ATXN1: variants seen among roughly 807,000 people sequenced by gnomAD.
ATXN1 encodes the protein ataxin-1.
In ATXN1, 8 loss-of-function variants were observed where a neutral mutation model predicts 56.4. The observed-to-expected ratio is 0.14, with a 90% confidence interval of 0.08 to 0.26. The LOEUF is 0.26. Ranked by LOEUF, ATXN1 falls within the 10% of genes least tolerant of loss-of-function variation. The pLI, the probability that ATXN1 is intolerant of heterozygous loss-of-function variation, is 1.00. For missense variants in ATXN1, 987 were observed against 1,106.5 expected (o/e 0.89, Z 1.53); for synonymous variants, 514 against 494.6 (o/e 1.04, Z -0.52).
In ATXN1 at chr6:16,305,848, A is replaced by AC. The variant is rs1057135272; in HGVS notation, c.*480dup. ...GAACCCCAGGAGGACACTGCTCTGA[A>AC]CCCCCCCGGCCCATGCCGATAGCAA... On this transcript the variant is annotated 3_prime_UTR_variant, in exon 8 of 8. Coordinates refer to ENST00000436367, the MANE Select transcript of ATXN1 (RefSeq NM_001128164.2). 1.6e-4 allele frequency: 24 copies of AC among 153,138 alleles called. No homozygotes were observed. The highest frequency in any genetic ancestry group is 4.8e-4 in the African/African-American group (20 of 41,332). The allele number at this position is 153,138 out of a possible 1,614,324, so 9.5% of individuals were successfully genotyped here.
At chr6:16,309,961 G>A (rs1029607481) in intron 7 of ATXN1, among the ~76,000 whole-genome samples, 2 of 152,056 alleles carry the variant, frequency 1.3e-5, no homozygotes, top group African/African-American at 2.4e-5. Flanking sequence ...TTGAACCCGG[G>A]AGGCGGAGGT....
chr6:16,520,320 G>A (rs1330548218), intron 5 of ATXN1, among the ~76,000 whole-genome samples: 1 of 152,164 alleles, frequency 6.6e-6, no homozygotes. Flanking sequence ...GCTTCTATCT[G>A]TGTTTAGTTT....
rs1226749205 is a variant in ATXN1, at chr6:16,517,938, TC to T, written c.-299+4688del. ...GTGTGAGCAGAGGCATCAAACAACA[TC>T]TATGTGTTTATTCATTCAACAAATA... On this transcript the variant is annotated intron_variant, in intron 5 of 7. Coordinates refer to ENST00000436367, the MANE Select transcript of ATXN1 (RefSeq NM_001128164.2). 2.6e-5 allele frequency among the ~76,000 whole-genome samples: 4 copies of T among 152,320 alleles called. No homozygotes were observed. In the East Asian group the frequency reaches 7.7e-4, roughly 29 times the overall value.
chr6:16,728,315 A>T (rs1405344285), intron 2 of ATXN1, among the ~76,000 whole-genome samples: 1 of 152,210 alleles, frequency 6.6e-6, no homozygotes, highest in African/African-American at 2.4e-5. Context: ...GCAGCTGGGG[A>T]AAACTTTCCG....
At chr6:16,597,244 C>A (rs557177682) in intron 3 of ATXN1, among the ~76,000 whole-genome samples, 116 of 152,334 alleles carry the variant, frequency 7.6e-4, no homozygotes, top group Non-Finnish European at 1.4e-3. Context: ...TCGTCAGCCG[C>A]AAGAATCTCC....
rs139341425 is a variant in ATXN1, at chr6:16,358,453, C to G, written c.-160-29983G>C. ...GATAAATTATTGTATGTATATATCA[C>G]AGAATACTACTCAGCCATAAAAAGG... On this transcript the variant is annotated intron_variant, in intron 6 of 7. Coordinates refer to ENST00000436367, the MANE Select transcript of ATXN1 (RefSeq NM_001128164.2). 4.0e-3 allele frequency among the ~76,000 whole-genome samples: 610 copies of G among 152,342 alleles called. 5 individuals are homozygous for G. The highest frequency in any genetic ancestry group is 6.8e-3 in the Middle Eastern group (2 of 294).
intron 3 of ATXN1, among the ~76,000 whole-genome samples, chr6:16,644,338 A>C (rs899831497): frequency 2.0e-5 from 3 of 152,072 alleles, no homozygotes; most frequent in African/African-American, 4.8e-5. Context: ...AACATGGTGA[A>C]ACCCCATCTC....
chr6:16,590,715 G>T (rs1762706976), intron 3 of ATXN1, among the ~76,000 whole-genome samples: 4 of 151,450 alleles, frequency 2.6e-5, no homozygotes, highest in Admixed American at 2.6e-4. Flanking sequence ...TGTTTCCCAG[G>T]TTGGAGTGCA....
chr6:16,610,164 T>C (rs1302434195), intron 3 of ATXN1, among the ~76,000 whole-genome samples: 1 of 152,026 alleles, frequency 6.6e-6, no homozygotes, highest in Non-Finnish European at 1.5e-5. Flanking sequence ...AGAGATAGCA[T>C]GATTGATGCA....
chr6:16,555,807 G>A (rs1561753214), intron 4 of ATXN1, among the ~76,000 whole-genome samples: 3 of 152,160 alleles, frequency 2.0e-5, no homozygotes, highest in African/African-American at 7.2e-5. Flanking sequence ...CACTAACTCT[G>A]TATGTTAGAT....
Position 16,667,772 on chromosome 6 carries a change from C to G in ATXN1, c.-614-9871G>C, listed in dbSNP as rs138142237. Among the ~76,000 whole-genome samples, 1,460 of 152,312 alleles carry G rather than the reference C, an allele frequency of 9.6e-3. 16 individuals are homozygous for G. The highest frequency in any genetic ancestry group is 0.061 in the Middle Eastern group (18 of 294). ...TTGGGTCAGTTGATTCACCATCCAC[C>G]TCTGTCCCCTTTGCTTATTATTTCT... On this transcript the variant is annotated intron_variant, in intron 2 of 7. Coordinates refer to ENST00000436367, the MANE Select transcript of ATXN1 (RefSeq NM_001128164.2).
At chr6:16,366,538 T>C (rs914833677) in intron 6 of ATXN1, among the ~76,000 whole-genome samples, 2 of 152,220 alleles carry the variant, frequency 1.3e-5, no homozygotes, top group East Asian at 3.9e-4. Context: ...CCCAGCACTT[T>C]GGGAGGCCGA....
chr6:16,724,702 T>C (rs1360581537), intron 2 of ATXN1, among the ~76,000 whole-genome samples: 2 of 152,254 alleles, frequency 1.3e-5, no homozygotes, highest in African/African-American at 4.8e-5. Flanking sequence ...CCTTAATTTT[T>C]ATTATAGGAT....
chr6:16,511,899 G>T (rs960934714), intron 5 of ATXN1, among the ~76,000 whole-genome samples: 1 of 152,130 alleles, frequency 6.6e-6, no homozygotes, highest in African/African-American at 2.4e-5. Context: ...TGCCTTAGTG[G>T]GTGTCTTTGC....
At chr6:16,720,180 G>A (rs1411504344) in intron 2 of ATXN1, among the ~76,000 whole-genome samples, 1 of 152,084 alleles carries the variant, frequency 6.6e-6, no homozygotes, top group Non-Finnish European at 1.5e-5. Flanking sequence ...TTCCAGGGCT[G>A]GCTCCTATAC....
chr6:16,719,842 C>G (rs564493100), intron 2 of ATXN1, among the ~76,000 whole-genome samples: 15 of 152,280 alleles, frequency 9.9e-5, no homozygotes, highest in South Asian at 6.2e-4. Context: ...CTGGAACCAC[C>G]AGAGGATGAC....
intron 6 of ATXN1, among the ~76,000 whole-genome samples, chr6:16,407,338 A>T (rs1354836241): frequency 6.6e-6 from 1 of 152,230 alleles, no homozygotes; most frequent in Non-Finnish European, 1.5e-5. Context: ...GTCGGAATGA[A>T]TGGGAAGGAT....
intron 2 of ATXN1, among the ~76,000 whole-genome samples, chr6:16,684,395 T>C (rs1390219764): frequency 6.6e-6 from 1 of 152,150 alleles, no homozygotes; most frequent in Non-Finnish European, 1.5e-5. Context: ...CATTGCCTAA[T>C]AGCTGTTGTA....
intron 5 of ATXN1, among the ~76,000 whole-genome samples, chr6:16,516,508 A>C (rs1203249137): frequency 6.6e-6 from 1 of 152,178 alleles, no homozygotes; most frequent in African/African-American, 2.4e-5. Context: ...AGGCCCCTAG[A>C]TGGCTGGATA....
Sources: gnomAD v4.1 joint callset for allele counts (sites outside exome capture counted in the v4.1 genomes callset) on GRCh38, gnomAD v4.1.1 for gene constraint, MANE v1.5 for transcripts, NCBI Gene and HGNC (gene_info 2026-07-23, HGNC 2026-07-21) for gene names.